Variants in NRG3 observed in about 807,000 individuals in gnomAD.
NRG3 encodes the protein neuregulin 3.
A neutral mutation model predicts 66.9 loss-of-function variants in NRG3; 31 were observed. The ratio of observed to expected loss-of-function variants is 0.46; its 90% CI spans 0.35 to 0.63. The LOEUF (loss-of-function observed/expected upper bound fraction) is 0.63, where lower values mean the gene tolerates loss of function less well. Among genes scored for constraint, NRG3 ranks in the 20% least tolerant of loss-of-function variants. The pLI is 0.00. For missense variants in NRG3, 910 were observed against 878.9 expected, an observed-to-expected ratio of 1.04 and a Z score of -0.45; for synonymous variants, 393 against 359.4, an observed-to-expected ratio of 1.09 and a Z score of -1.06.
At chr10:82,082,315 A>G (rs1158243770) in intron 1 of NRG3, among the ~76,000 whole-genome samples, 1 of 152,216 alleles carries the variant, frequency 6.6e-6, no homozygotes, top group Non-Finnish European at 1.5e-5. Flanking sequence ...CTGTGTATCT[A>G]TTGCACCGTA....
chr10:82,530,338 A>G (rs550315294), intron 2 of NRG3, among the ~76,000 whole-genome samples: 4 of 152,166 alleles, frequency 2.6e-5, no homozygotes, highest in South Asian at 4.1e-4. Flanking sequence ...ATCTACCAAT[A>G]AAAAGAAAAG....
At chr10:82,982,250 A>G (rs1411104276) in intron 8 of NRG3, among the ~76,000 whole-genome samples, 1 of 152,162 alleles carries the variant, frequency 6.6e-6, no homozygotes, top group African/African-American at 2.4e-5. Flanking sequence ...GAGAAACACA[A>G]ATTCCTTAGC....
chr10:81,894,351 G>T (rs1564637743), intron 1 of NRG3, among the ~76,000 whole-genome samples: 1 of 152,178 alleles, frequency 6.6e-6, no homozygotes, highest in South Asian at 2.1e-4. Flanking sequence ...AAGAAAGAAA[G>T]AAAATAATTT....
At chr10:82,931,785 G>A (rs1357685452) in intron 4 of NRG3, among the ~76,000 whole-genome samples, 1 of 152,140 alleles carries the variant, frequency 6.6e-6, no homozygotes, top group African/African-American at 2.4e-5. Flanking sequence ...CCGTCTGAGT[G>A]CAAGAGGGAG....
intron 2 of NRG3, among the ~76,000 whole-genome samples, chr10:82,593,378 G>A (rs2047092409): frequency 6.6e-6 from 1 of 152,154 alleles, no homozygotes; most frequent in African/African-American, 2.4e-5. Context: ...TGTAACATGA[G>A]CTCTTGAGAT....
intron 2 of NRG3, among the ~76,000 whole-genome samples, chr10:82,634,655 T>C (rs1001924872): frequency 2.0e-5 from 3 of 152,200 alleles, no homozygotes; most frequent in South Asian, 2.1e-4. Context: ...ATCAGTCCAA[T>C]GGTTTTTCCT....
chr10:82,429,709 G>T (rs1176685495), intron 2 of NRG3, among the ~76,000 whole-genome samples: 1 of 151,758 alleles, frequency 6.6e-6, no homozygotes, highest in Non-Finnish European at 1.5e-5. Flanking sequence ...TATTTTTTCC[G>T]CTATATTCTC....
At chr10:82,498,527 T>C (rs1398065729) in intron 2 of NRG3, among the ~76,000 whole-genome samples, 1 of 152,186 alleles carries the variant, frequency 6.6e-6, no homozygotes, top group Non-Finnish European at 1.5e-5. Flanking sequence ...TTACCATTGG[T>C]GGGTAGATGA....
intron 1 of NRG3, among the ~76,000 whole-genome samples, chr10:82,130,626 C>T (rs1266514936): frequency 6.6e-6 from 1 of 152,072 alleles, no homozygotes; most frequent in Non-Finnish European, 1.5e-5. Flanking sequence ...ATATTGTTCT[C>T]TATAGTTGTT....
chr10:82,041,462 T>A (rs370817168), intron 1 of NRG3, among the ~76,000 whole-genome samples: 19 of 152,160 alleles, frequency 1.2e-4, no homozygotes, highest in South Asian at 8.3e-4. Flanking sequence ...CTTGTAAATC[T>A]GCCTCATTCT....
At chr10:82,018,093 T>A (rs549613858) in intron 1 of NRG3, among the ~76,000 whole-genome samples, 1 of 152,172 alleles carries the variant, frequency 6.6e-6, no homozygotes, top group Admixed American at 6.5e-5. Context: ...CTTTAATCCA[T>A]CTTGAATTAA....
intron 4 of NRG3, among the ~76,000 whole-genome samples, chr10:82,890,476 A>G (rs1255680097): frequency 1.3e-5 from 2 of 152,214 alleles, no homozygotes. Flanking sequence ...TTTATTGCAT[A>G]TTATATATAC....
At chr10:82,459,505 A>C (rs1380804069) in intron 2 of NRG3, among the ~76,000 whole-genome samples, 1 of 152,188 alleles carries the variant, frequency 6.6e-6, no homozygotes, top group Non-Finnish European at 1.5e-5. Context: ...CAGCTGACCC[A>C]ATCCCTGACC....
intron 4 of NRG3, among the ~76,000 whole-genome samples, chr10:82,938,484 G>C (rs964195519): frequency 6.6e-6 from 1 of 152,214 alleles, no homozygotes; most frequent in Non-Finnish European, 1.5e-5. Flanking sequence ...TTAAGCCTGG[G>C]AAGTCAAATA....
At chr10:82,347,295 T>C (rs907910588) in intron 1 of NRG3, among the ~76,000 whole-genome samples, 21 of 151,126 alleles carry the variant, frequency 1.4e-4, no homozygotes, top group Non-Finnish European at 2.4e-4. Flanking sequence ...TCAAAGAACA[T>C]CTTTATTTCT....
At chr10:82,795,893 C>G (rs2060780873) in intron 3 of NRG3, among the ~76,000 whole-genome samples, 1 of 151,934 alleles carries the variant, frequency 6.6e-6, no homozygotes, top group Non-Finnish European at 1.5e-5. Flanking sequence ...CGTTTAGGGC[C>G]TAGTGCAGGA....
intron 1 of NRG3, among the ~76,000 whole-genome samples, chr10:81,971,035 T>C (rs2059914981): frequency 6.6e-6 from 1 of 152,070 alleles, no homozygotes; most frequent in Non-Finnish European, 1.5e-5. Context: ...AGCCACTTGG[T>C]AGGCTGAGAT....
At chr10:82,060,512 A>G (rs1254736853) in intron 1 of NRG3, among the ~76,000 whole-genome samples, 1 of 152,190 alleles carries the variant, frequency 6.6e-6, no homozygotes, top group Admixed American at 6.5e-5. Context: ...CAAAGATGCA[A>G]TAGGGAACGT....
intron 1 of NRG3, among the ~76,000 whole-genome samples, chr10:82,085,486 G>T (rs1308955143): frequency 1.3e-5 from 2 of 152,044 alleles, no homozygotes; most frequent in African/African-American, 2.4e-5. Context: ...GGGCCTTCGT[G>T]TGAGGGCATC....
Sources: gnomAD v4.1 joint callset for allele counts (sites outside exome capture counted in the v4.1 genomes callset) on GRCh38, gnomAD v4.1.1 for gene constraint, MANE v1.5 for transcripts, NCBI Gene and HGNC (gene_info 2026-07-23, HGNC 2026-07-21) for gene names.